Variants in ANKMY1 observed in about 807,000 individuals in gnomAD.
The protein encoded by ANKMY1 is ankyrin repeat and MYND domain containing 1.
In ANKMY1, 98 loss-of-function variants were observed where a neutral mutation model predicts 102.0. The observed-to-expected ratio is 0.96, with a 90% CI of 0.82 to 1.14. The LOEUF is 1.14. Among genes scored for constraint, ANKMY1 ranks in the 50% most tolerant of loss-of-function variants. ANKMY1 has a pLI of 0.00. For missense variants in ANKMY1, 1,330 were observed against 1,347.6 expected (o/e 0.99, Z 0.20); for synonymous variants, 582 against 559.9 (o/e 1.04, Z -0.56).
chr2:240,555,130 C>A, intron 2 of ANKMY1, 75 bp from the exon 3 acceptor site: 1 of 1,471,770 alleles, frequency 6.8e-7, no homozygotes, highest in Admixed American at 1.7e-5. Context: ...GCACAACCCC[C>A]GAGCACAACC....
intron 12 of ANKMY1, 58 bp from the exon 13 acceptor site, chr2:240,507,749 G>A (rs529693607): frequency 1.3e-6 from 2 of 1,537,526 alleles, no homozygotes; most frequent in Admixed American, 3.8e-5. Context: ...CTGACAGAGG[G>A]GAAGGCCCCA....
intron 10 of ANKMY1, among the ~76,000 whole-genome samples, 157 bp downstream of exon 10, chr2:240,512,645 T>C (rs988667189): frequency 4.6e-5 from 7 of 152,224 alleles, no homozygotes; most frequent in African/African-American, 1.7e-4. Flanking sequence ...AAGGTTCTCA[T>C]CTGGACGGGT....
chr2:240,546,628 G>C (rs942475505), intron 4 of ANKMY1, among the ~76,000 whole-genome samples: 7 of 152,100 alleles, frequency 4.6e-5, no homozygotes, highest in Non-Finnish European at 1.0e-4. Context: ...CCCACGTGCA[G>C]AGACACACAT....
intron 9 of ANKMY1, among the ~76,000 whole-genome samples, chr2:240,517,807 A>G (rs1473112271): frequency 6.6e-6 from 1 of 152,196 alleles, no homozygotes; most frequent in South Asian, 2.1e-4. Flanking sequence ...CCCTGCCTCA[A>G]AAGAAAAAAA....
intron 9 of ANKMY1, among the ~76,000 whole-genome samples, chr2:240,517,909 G>A (rs2081467582): frequency 6.6e-6 from 1 of 152,226 alleles, no homozygotes; most frequent in Non-Finnish European, 1.5e-5. Flanking sequence ...TTTGCCTTTG[G>A]TGGAAGTGGG....
chr2:240,482,096 G>A, intron 16 of ANKMY1, 87 bp downstream of exon 16: 1 of 1,431,646 alleles, frequency 7.0e-7, no homozygotes, highest in Non-Finnish European at 9.6e-7. Context: ...GGCTGTCCCG[G>A]GATGAGGTGG....
In ANKMY1 at chr2:240,495,503, G is replaced by A. The variant is rs990136794; in HGVS notation, c.2806+4455C>T. 1.8e-4 allele frequency among the ~76,000 whole-genome samples: 28 copies of A among 152,182 alleles called. No homozygotes were observed. In the East Asian group the frequency reaches 2.3e-3, roughly 13 times the overall value. On this transcript the variant is annotated intron_variant, in intron 15 of 17. Coordinates refer to ENST00000401804, the MANE Select transcript of ANKMY1 (RefSeq NM_001282771.3). ...GTCTCTGAAATGCAGAAATAATGGC[G>A]TAAGCTGTCTCTCCTCTCTCTCTCC...
At chr2:240,556,720 C>T (rs2092388893) in intron 2 of ANKMY1, among the ~76,000 whole-genome samples, 2 of 152,192 alleles carry the variant, frequency 1.3e-5, no homozygotes, top group Non-Finnish European at 2.9e-5. Flanking sequence ...GGGCACTCTA[C>T]GGGTGGTGTT....
At chr2:240,533,559 T>C (rs1451410900) in intron 4 of ANKMY1, among the ~76,000 whole-genome samples, 1 of 152,188 alleles carries the variant, frequency 6.6e-6, no homozygotes, top group Non-Finnish European at 1.5e-5. Flanking sequence ...TTTTTCTTAA[T>C]AATTCTTCAA....
rs1369230307 is a variant in ANKMY1, at chr2:240,525,881, T to C, written c.1171-32A>G. ...GGAGATGAGGCAGGACTCAGGATGA[T>C]GCACCTGGCCCTCAGGGGTGGGAAG... On this transcript the variant is annotated intron_variant, in intron 6 of 17. Transcript: ENST00000401804. 5 of 1,608,578 alleles carry C rather than the reference T, an allele frequency of 3.1e-6. No homozygotes were observed. The Admixed American group carries it at 6.7e-5, about 21-fold the overall frequency.
rs2080008456 is a variant in ANKMY1, at chr2:240,510,717, T to G, written c.2286+1144A>C. On this transcript the variant is annotated intron_variant, in intron 11 of 17. Coordinates refer to ENST00000401804, the MANE Select transcript of ANKMY1 (RefSeq NM_001282771.3). ...AAAGGGACCCCTTTCCCCTCCCTTCTGGGATACAGATGTGATGGCTGGACT... is the reference window on the plus strand; with the variant it reads ...AAAGGGACCCCTTTCCCCTCCCTTCGGGGATACAGATGTGATGGCTGGACT... Among the ~76,000 whole-genome samples the G allele has an allele frequency of 2.0e-5, 3 of 152,134 alleles. No homozygotes were observed. The South Asian group carries it at 6.2e-4, about 31-fold the overall frequency.
chr2:240,468,783 C>T, the ANKMY1 span, among the ~76,000 whole-genome samples: 1,852 of 152,288 alleles, frequency 0.012, 31 homozygotes, highest in African/African-American at 0.043. Flanking sequence ...AGCGTGAGAG[C>T]ACAGAGGGGT....
rs746913590 is a variant in ANKMY1, at chr2:240,481,100, G to T, written c.2886-3C>A. On this transcript the variant is annotated splice_polypyrimidine_tract_variant and splice_region_variant and intron_variant, in intron 16 of 17. Transcript: ENST00000401804. ...AGCAGAACTTGAAGAAGGGAATTCT[G>T]CAACAGAGCCTCACCGTCAGCAGGC... The T allele has an allele frequency of 6.2e-7, 1 of 1,606,684 alleles. No homozygotes were observed. The highest frequency in any genetic ancestry group is 8.5e-7 in the Non-Finnish European group (1 of 1,174,116).
At chr2:240,521,661 G>A (rs1412656019) in intron 8 of ANKMY1, among the ~76,000 whole-genome samples, 2 of 151,992 alleles carry the variant, frequency 1.3e-5, no homozygotes, top group African/African-American at 4.8e-5. Context: ...ACCACGCCTG[G>A]CTAATTTTTT....
At chr2:240,538,053 C>A (rs968873107) in intron 4 of ANKMY1, among the ~76,000 whole-genome samples, 3 of 152,268 alleles carry the variant, frequency 2.0e-5, no homozygotes, top group African/African-American at 7.2e-5. Context: ...TCGTTCATTG[C>A]TCAATTAAAC....
intron 16 of ANKMY1, 95 bp from the exon 17 acceptor site, chr2:240,481,192 C>A: frequency 6.7e-7 from 1 of 1,487,302 alleles, no homozygotes; most frequent in Non-Finnish European, 9.1e-7. Flanking sequence ...CCCTGAGCTC[C>A]TGGGCTATTC....
chr2:240,479,767 C>T lies in ANKMY1; in HGVS notation c.3047-112G>A, dbSNP rs551291797. ...GGGGCGGCTGAGGACTGTGCTCTGT[C>T]TAGAGCTTTTGCAGGCAAGGAGTCG... On this transcript the variant is annotated intron_variant, in intron 17 of 17. Coordinates refer to ENST00000401804, the MANE Select transcript of ANKMY1 (RefSeq NM_001282771.3). 2.7e-3 allele frequency: 2,523 copies of T among 926,672 alleles called. 19 individuals are homozygous for T. Among genetic ancestry groups the T allele is most frequent in the South Asian group, 0.012 (844 of 71,278 alleles). 57.4% of individuals were successfully genotyped at this position (926,672 alleles called of 1,614,324 possible).
chr2:240,535,570 T>G (rs2086529092), intron 4 of ANKMY1, among the ~76,000 whole-genome samples: 2 of 152,200 alleles, frequency 1.3e-5, no homozygotes, highest in African/African-American at 4.8e-5. Context: ...GCAGGGCAAT[T>G]TCAAGGTATG....
chr2:240,480,812 G>A (rs2075290393), intron 17 of ANKMY1, 125 bp downstream of exon 17: 1 of 1,350,270 alleles, frequency 7.4e-7, no homozygotes, highest in Admixed American at 2.3e-5. Context: ...TGGAAATGTT[G>A]GGAAAGTGGC....
Sources: allele counts gnomAD v4.1 joint callset (sites outside exome capture counted in the v4.1 genomes callset), GRCh38; gene constraint gnomAD v4.1.1; transcripts MANE v1.5; gene names NCBI Gene and HGNC (gene_info 2026-07-23, HGNC 2026-07-21).